The following CATSPERE variants were observed in gnomAD, a reference collection of about 807,000 sequenced individuals.
CATSPERE encodes the protein cation channel sperm-associated auxiliary subunit epsilon.
In CATSPERE, 93 loss-of-function variants were observed where a neutral mutation model predicts 114.1. The observed-to-expected ratio is 0.81, with a 90% CI of 0.69 to 0.97. The LOEUF is 0.97. Among genes scored for constraint, CATSPERE ranks in the 50% least tolerant of loss-of-function variants. CATSPERE has a pLI of 0.00. For synonymous variants in CATSPERE, 341 were observed against 384.1 expected, an observed-to-expected ratio of 0.89 and a Z score of 1.31; for missense variants, 1,058 against 1,131.6, an observed-to-expected ratio of 0.93 and a Z score of 0.93.
chr1:244,487,138 G>C (rs1416138171), intron 5 of CATSPERE, among the ~76,000 whole-genome samples: 1 of 150,852 alleles, frequency 6.6e-6, no homozygotes, highest in Non-Finnish European at 1.5e-5. Context: ...TCAGCGTGTG[G>C]AATACTCGTG....
intron 13 of CATSPERE, among the ~76,000 whole-genome samples, chr1:244,584,407 G>A (rs1474186031): frequency 1.3e-5 from 2 of 152,054 alleles, no homozygotes; most frequent in African/African-American, 4.8e-5. Context: ...TGAAAAGAAA[G>A]GGATACACAA....
intron 2 of CATSPERE, among the ~76,000 whole-genome samples, chr1:244,469,288 T>C (rs1356215915): frequency 6.6e-6 from 1 of 152,172 alleles, no homozygotes; most frequent in African/African-American, 2.4e-5. Flanking sequence ...ATGGAGTACA[T>C]ATAAGGAATA....
At chr1:244,475,023 C>G (rs1278210923) in intron 2 of CATSPERE, among the ~76,000 whole-genome samples, 1 of 151,890 alleles carries the variant, frequency 6.6e-6, no homozygotes, top group African/African-American at 2.4e-5. Flanking sequence ...TGGGGACTAT[C>G]CTAATTGTTC....
intron 8 of CATSPERE, among the ~76,000 whole-genome samples, chr1:244,519,465 C>G (rs1677168845): frequency 6.6e-6 from 1 of 152,210 alleles, no homozygotes; most frequent in Non-Finnish European, 1.5e-5. Context: ...GTTGGGGCCA[C>G]TGCTGTGTGG....
chr1:244,567,323 C>CT (rs1663738108), intron 10 of CATSPERE, among the ~76,000 whole-genome samples: 1 of 152,046 alleles, frequency 6.6e-6, no homozygotes, highest in African/African-American at 2.4e-5. Context: ...GATTGTTTGT[C>CT]TTGTGGTTGC....
At position 244,490,448 on chromosome 1, in the gene CATSPERE, C is replaced by G. The variant is rs1226288402; in HGVS notation, c.328C>G (p.His110Asp). Residue 110 changes from histidine (H) to aspartate (D), a missense_variant and splice_region_variant, in exon 6 of 22, where the codon CAT (histidine) becomes GAT (aspartate). Transcript: ENST00000366534. ...TATGTTTCCTCTTTTTCCAAGCAGA[C>G]ATTTCTTTAACAACTTTACCCAGGT... ...TCFLWYYRVR[H>D]FFNNFTQLIT... The G allele has an allele frequency of 1.3e-6, 2 of 1,538,090 alleles. No homozygotes were observed. Among genetic ancestry groups the G allele is most frequent in the Middle Eastern group, 1.7e-4 (1 of 5,892 alleles).
Position 244,572,390 on chromosome 1 carries a change from A to G in CATSPERE, c.1568A>G (p.Asn523Ser). 1 of 1,544,062 alleles carries G rather than the reference A, an allele frequency of 6.5e-7. No homozygotes were observed. Among genetic ancestry groups the G allele is most frequent in the Non-Finnish European group, 9.0e-7 (1 of 1,117,186 alleles). Residue 523 changes from asparagine to serine, a missense_variant, in exon 11 of 22, where the codon AAT becomes AGT. Physicochemically the swap from Asn to Ser is conservative, Grantham distance 46. This residue lies in a region of CATSPERE where 787 missense variants were observed against 905.6 expected (regional missense o/e 0.87). Transcript: ENST00000366534. ...AATGTAATATTTTATTCCAAGATTA[A>G]TACTAGAGATGCAGTAAAGCTGCAT... The part of the protein sequence containing the change: ...ENNVIFYSKI[N>S]TRDAVKLHLW...
chr1:244,527,883 A>AT (rs1282780222), intron 8 of CATSPERE, among the ~76,000 whole-genome samples: 3 of 152,062 alleles, frequency 2.0e-5, no homozygotes, highest in African/African-American at 7.2e-5. Flanking sequence ...CCCAAGTGGG[A>AT]TGTGTCACCA....
At chr1:244,591,333 T>G (rs1004755340) in intron 14 of CATSPERE, among the ~76,000 whole-genome samples, 1 of 150,728 alleles carries the variant, frequency 6.6e-6, no homozygotes, top group African/African-American at 2.5e-5. Flanking sequence ...AAAGTCACCA[T>G]GTTGTACAAT....
intron 21 of CATSPERE, among the ~76,000 whole-genome samples, chr1:244,639,476 G>A (rs966162530): frequency 3.3e-5 from 5 of 152,178 alleles, no homozygotes; most frequent in African/African-American, 1.2e-4. Flanking sequence ...AATCACTTGA[G>A]GTCAGGAGTT....
intron 14 of CATSPERE, among the ~76,000 whole-genome samples, chr1:244,590,701 T>C (rs1667615232): frequency 6.6e-6 from 1 of 152,230 alleles, no homozygotes; most frequent in African/African-American, 2.4e-5. Flanking sequence ...CTACAACATA[T>C]GACCTTTTGT....
At chr1:244,628,933 A>G (rs1318014278) in intron 20 of CATSPERE, among the ~76,000 whole-genome samples, 1 of 152,186 alleles carries the variant, frequency 6.6e-6, no homozygotes, top group African/African-American at 2.4e-5. Flanking sequence ...CTTACACTTC[A>G]TGACAGAGTT....
intron 2 of CATSPERE, among the ~76,000 whole-genome samples, chr1:244,476,543 A>G (rs772700580): frequency 6.6e-6 from 1 of 152,082 alleles, no homozygotes; most frequent in Non-Finnish European, 1.5e-5. Flanking sequence ...CTTCTTATAC[A>G]CTATCCTATA....
intron 20 of CATSPERE, among the ~76,000 whole-genome samples, chr1:244,629,200 C>T (rs1673589978): frequency 6.6e-6 from 1 of 152,224 alleles, no homozygotes; most frequent in Non-Finnish European, 1.5e-5. Flanking sequence ...CTGCCACAGA[C>T]ATATCAAGCA....
intron 20 of CATSPERE, among the ~76,000 whole-genome samples, chr1:244,624,458 T>C (rs887928828): frequency 1.3e-5 from 2 of 152,178 alleles, no homozygotes; most frequent in African/African-American, 2.4e-5. Flanking sequence ...ATAAACACTT[T>C]GTTATTTCAA....
At chr1:244,556,070 C>T (rs1661526778) in intron 9 of CATSPERE, among the ~76,000 whole-genome samples, 1 of 152,102 alleles carries the variant, frequency 6.6e-6, no homozygotes, top group East Asian at 1.9e-4. Context: ...AGGTGGCCTA[C>T]ACCTGTAGTC....
At chr1:244,527,520 G>A (rs1211286596) in intron 8 of CATSPERE, among the ~76,000 whole-genome samples, 1 of 152,056 alleles carries the variant, frequency 6.6e-6, no homozygotes, top group African/African-American at 2.4e-5. Context: ...CACACATGCT[G>A]TACAAACAAT....
intron 7 of CATSPERE, among the ~76,000 whole-genome samples, chr1:244,501,008 C>G (rs940219502): frequency 6.6e-6 from 1 of 152,194 alleles, no homozygotes; most frequent in Non-Finnish European, 1.5e-5. Flanking sequence ...TTTGTGTCCT[C>G]TCTTATTTCC....
chr1:244,518,078 T>C (rs1023643615), intron 7 of CATSPERE, among the ~76,000 whole-genome samples: 28 of 152,338 alleles, frequency 1.8e-4, no homozygotes, highest in African/African-American at 6.5e-4. Flanking sequence ...AGTACCTTAT[T>C]AGGAATAATT....
Sources: allele counts gnomAD v4.1 joint callset (sites outside exome capture counted in the v4.1 genomes callset), GRCh38; gene constraint gnomAD v4.1.1; regional missense constraint gnomAD v4.1.1; transcripts MANE v1.5; gene names NCBI Gene and HGNC (gene_info 2026-07-23, HGNC 2026-07-21).